CLASP1: variants seen among roughly 807,000 people sequenced by gnomAD.
CLASP1 encodes cytoplasmic linker associated protein 1, also known as CLIP-associating protein 1.
Under a neutral mutation model 192.3 loss-of-function variants are expected in CLASP1, and 38 were observed. The observed-to-expected ratio is 0.20, with a 90% CI of 0.15 to 0.26. CLASP1 has a LOEUF of 0.26. CLASP1 is among the 10% of genes least tolerant of loss of function. The pLI is 1.00. For synonymous variants in CLASP1, 691 were observed against 712.8 expected (o/e 0.97, Z 0.49); for missense variants, 1,433 against 1,932.5 (o/e 0.74, Z 4.85).
intron 1 of CLASP1, among the ~76,000 whole-genome samples, chr2:121,629,377 G>A (rs905610118): frequency 2.6e-5 from 4 of 151,814 alleles, no homozygotes; most frequent in East Asian, 1.9e-4. Flanking sequence ...GTGATAAAGC[G>A]AGACTCCATC....
At chr2:121,358,549 A>T (rs2065823388) in intron 37 of CLASP1, among the ~76,000 whole-genome samples, 2 of 152,220 alleles carry the variant, frequency 1.3e-5, no homozygotes, top group Non-Finnish European at 2.9e-5. Flanking sequence ...TCTCTGGCAC[A>T]CTGGTGCTTC....
intron 2 of CLASP1, among the ~76,000 whole-genome samples, chr2:121,552,146 G>A (rs984884933): frequency 6.6e-6 from 1 of 152,178 alleles, no homozygotes; most frequent in Non-Finnish European, 1.5e-5. Context: ...ATCTGCAGAA[G>A]ATTAAAGCTG....
rs75854683 is a variant in CLASP1 at position 121,569,559 on chromosome 2, A to T, written c.195+36142T>A. ...GATAGAACCCAATTTATGATGTTAA[A>T]AGATTTCTTACGGCCGGACGTGGTG... On this transcript the variant is annotated intron_variant, in intron 2 of 39. Coordinates refer to ENST00000263710, the Ensembl canonical transcript of CLASP1. 6.6e-3 allele frequency among the ~76,000 whole-genome samples: 1,006 copies of T among 152,320 alleles called. 15 individuals carry two copies. Among genetic ancestry groups the T allele is most frequent in the African/African-American group, 0.023 (962 of 41,556 alleles).
At chr2:121,404,065 C>G (rs963468396) in intron 26 of CLASP1, among the ~76,000 whole-genome samples, 7 of 152,178 alleles carry the variant, frequency 4.6e-5, no homozygotes, top group Non-Finnish European at 8.8e-5. Flanking sequence ...ACCCTAGCAC[C>G]TACCTCACTG....
At chr2:121,355,788 G>A (rs2065274249) in intron 37 of CLASP1, among the ~76,000 whole-genome samples, 1 of 152,222 alleles carries the variant, frequency 6.6e-6, no homozygotes, top group African/African-American at 2.4e-5. Flanking sequence ...GTGGCCAGAA[G>A]TGGCAAGGAT....
chr2:121,530,429 C>G (rs1487372040), intron 2 of CLASP1, 104 bp from the exon 3 acceptor site: 5 of 812,068 alleles, frequency 6.2e-6, no homozygotes, highest in Non-Finnish European at 1.0e-5. Context: ...CAGACGCAGT[C>G]CGAGAGTCCA....
At chr2:121,392,662 G>A (rs2074578801) in intron 30 of CLASP1, among the ~76,000 whole-genome samples, 1 of 152,214 alleles carries the variant, frequency 6.6e-6, no homozygotes, top group Non-Finnish European at 1.5e-5. Context: ...ATGAGTGGCA[G>A]AGGCAGATGT....
At chr2:121,422,874 G>A (rs1051002404) in intron 22 of CLASP1, among the ~76,000 whole-genome samples, 9 of 152,076 alleles carry the variant, frequency 5.9e-5, no homozygotes, top group Non-Finnish European at 8.8e-5. Context: ...CATTAAAACT[G>A]TTGAATTTGT....
At chr2:121,464,150 C>T (rs1175367006) in intron 9 of CLASP1, among the ~76,000 whole-genome samples, 1 of 151,990 alleles carries the variant, frequency 6.6e-6, no homozygotes, top group Non-Finnish European at 1.5e-5. Context: ...CCAATTTCAT[C>T]CATGTCCCTA....
intron 1 of CLASP1, among the ~76,000 whole-genome samples, chr2:121,614,964 A>C (rs1429027378): frequency 6.6e-6 from 1 of 152,262 alleles, no homozygotes; most frequent in Non-Finnish European, 1.5e-5. Context: ...TGGATTAAGA[A>C]GGCTTGGAAT....
intron 19 of CLASP1, among the ~76,000 whole-genome samples, chr2:121,430,991 AT>A (rs34709804): frequency 0.023 from 3,422 of 151,590 alleles, 64 homozygotes; most frequent in Non-Finnish European, 0.031. Context: ...AAAAAAAAAA[AT>A]AGGCCTTTTT....
chr2:121,462,647 C>T (rs752734945), intron 9 of CLASP1, 42 bp from the exon 10 acceptor site: 19 of 1,138,774 alleles, frequency 1.7e-5, no homozygotes, highest in South Asian at 1.0e-4. Context: ...TATGAAACAA[C>T]GTCTATAACA....
chr2:121,467,017 T>A (rs1575136488), intron 9 of CLASP1, among the ~76,000 whole-genome samples: 1 of 152,204 alleles, frequency 6.6e-6, no homozygotes, highest in Non-Finnish European at 1.5e-5. Context: ...TCCTCACCCA[T>A]GTGTCCATGT....
rs1358762277 is a variant in CLASP1, at chr2:121,407,971, A to G, written c.2425-256T>C. 1.6e-5 allele frequency: 9 copies of G among 567,614 alleles called. No homozygotes were observed. The Admixed American group carries it at 2.0e-4, about 13-fold the overall frequency. 35.2% of individuals were successfully genotyped at this position (567,614 alleles called of 1,614,324 possible). Reference sequence around the variant, plus strand: ...TAAAGTGCGTAGACTTTACAGGAAGACAGACAGATCACAACCTTGGTGCCA... The same window carrying G: ...TAAAGTGCGTAGACTTTACAGGAAGGCAGACAGATCACAACCTTGGTGCCA... On this transcript the variant is annotated intron_variant, in intron 24 of 39. Transcript: ENST00000263710.
chr2:121,385,286 C>A (rs910995252), intron 32 of CLASP1, among the ~76,000 whole-genome samples: 2 of 152,158 alleles, frequency 1.3e-5, no homozygotes, highest in Admixed American at 6.5e-5. Flanking sequence ...TGGCTATTTA[C>A]ACACTGAATG....
chr2:121,376,809 A>G (rs1451191265), intron 34 of CLASP1, among the ~76,000 whole-genome samples: 1 of 151,828 alleles, frequency 6.6e-6, no homozygotes, highest in Non-Finnish European at 1.5e-5. Flanking sequence ...AGGAGCGTCA[A>G]CTCTATTATG....
At chr2:121,439,399 A>C (rs1221167104) in intron 19 of CLASP1, among the ~76,000 whole-genome samples, 1 of 151,916 alleles carries the variant, frequency 6.6e-6, no homozygotes, top group East Asian at 1.9e-4. Flanking sequence ...TTGCTTTTCT[A>C]GTTCTTTTAA....
At chr2:121,532,438 G>A (rs78289731) in intron 2 of CLASP1, 1 of 152,174 alleles carries the variant, frequency 6.6e-6, no homozygotes, top group African/African-American at 2.4e-5. Flanking sequence ...CGCAACCTCA[G>A]CCAGATGGTG....
chr2:121,518,215 A>T (rs1422133405), intron 6 of CLASP1, among the ~76,000 whole-genome samples: 1 of 132,790 alleles, frequency 7.5e-6, no homozygotes. Flanking sequence ...TGGGTGACAG[A>T]GCGAGACCCC....
Sources: gnomAD v4.1 joint callset for allele counts (sites outside exome capture counted in the v4.1 genomes callset) on GRCh38, gnomAD v4.1.1 for gene constraint, MANE v1.5 for transcripts, NCBI Gene and HGNC (gene_info 2026-07-23, HGNC 2026-07-21) for gene names.